The following RERE variants were observed in gnomAD, a reference collection of about 807,000 sequenced individuals.
RERE encodes arginine-glutamic acid dipeptide repeats, also known as arginine-glutamic acid dipeptide repeats protein.
RERE carries 40 observed loss-of-function variants against 146.1 expected under a neutral mutation model. The ratio of observed to expected loss-of-function variants is 0.27; its 90% confidence interval spans 0.21 to 0.36. The LOEUF is 0.36. Ranked by LOEUF, RERE falls within the 10% of genes least tolerant of loss-of-function variation. RERE has a pLI of 1.00. For synonymous variants in RERE, 1,003 were observed against 866.0 expected (o/e 1.16, Z -2.78); for missense variants, 1,933 against 2,138.7 (o/e 0.90, Z 1.90).
chr1:8,557,429 T>C lies in RERE; in HGVS notation c.617A>G (p.His206Arg). Residue 206 changes from histidine (H) to arginine (R), a missense_variant, in exon 5 of 23, where the codon CAT becomes CGT. Transcript: ENST00000400908. Reference protein sequence around the residue: ...SVYQHLVQDRHNENDSGRELV... With the variant: ...SVYQHLVQDRRNENDSGRELV... ...AAGGACATATTTACCATTTTCATTA[T>C]GTCGATCCTGAACCAAATGCTGATA... 6.2e-7 allele frequency: 1 copy of C among 1,600,480 alleles called. No homozygotes were observed. Among genetic ancestry groups the C allele is most frequent in the Non-Finnish European group, 8.6e-7 (1 of 1,167,644 alleles).
intron 1 of RERE, among the ~76,000 whole-genome samples, chr1:8,790,174 G>A (rs1641338175): frequency 6.6e-6 from 1 of 152,166 alleles, no homozygotes. Context: ...CTCTGGAACT[G>A]CGGGTTCAAG....
intron 12 of RERE, chr1:8,380,710 C>A: frequency 2.6e-6 from 1 of 377,816 alleles, no homozygotes; most frequent in Non-Finnish European, 5.2e-6. Flanking sequence ...CTTTTCAACA[C>A]AAGTCAAAAT....
intron 1 of RERE, among the ~76,000 whole-genome samples, chr1:8,781,349 T>C (rs1641161024): frequency 7.1e-6 from 1 of 140,308 alleles, no homozygotes; most frequent in Non-Finnish European, 1.6e-5. Flanking sequence ...AGAGCAAGAC[T>C]CCGTCTCAAA....
chr1:8,672,862 A>C (rs1307013048), intron 1 of RERE, among the ~76,000 whole-genome samples: 1 of 152,178 alleles, frequency 6.6e-6, no homozygotes, highest in Non-Finnish European at 1.5e-5. Context: ...TTACTACCAA[A>C]CAAACAAACA....
chr1:8,626,822 G>C (rs550898442), intron 2 of RERE, among the ~76,000 whole-genome samples: 2 of 152,166 alleles, frequency 1.3e-5, no homozygotes, highest in Non-Finnish European at 2.9e-5. Flanking sequence ...TCCAAAATGA[G>C]CCTGTCTTTG....
intron 11 of RERE, among the ~76,000 whole-genome samples, chr1:8,446,130 G>A (rs1644315250): frequency 6.6e-6 from 1 of 152,146 alleles, no homozygotes; most frequent in Non-Finnish European, 1.5e-5. Context: ...ATGAAGCTTA[G>A]TTTGGCTGGA....
At chr1:8,499,890 C>T (rs1351934044) in intron 8 of RERE, among the ~76,000 whole-genome samples, 2 of 152,210 alleles carry the variant, frequency 1.3e-5, no homozygotes, top group Non-Finnish European at 2.9e-5. Context: ...GAGGCCGAGG[C>T]GGGCAGATCA....
At chr1:8,633,846 T>C (rs1004765178) in intron 2 of RERE, among the ~76,000 whole-genome samples, 2 of 152,074 alleles carry the variant, frequency 1.3e-5, no homozygotes, top group African/African-American at 4.8e-5. Context: ...GGAGGATTGC[T>C]TGACCACAGG....
chr1:8,551,399 C>G (rs1484436115), intron 6 of RERE, among the ~76,000 whole-genome samples: 1 of 152,124 alleles, frequency 6.6e-6, no homozygotes, highest in Non-Finnish European at 1.5e-5. Context: ...TTACAAGTTA[C>G]AAGTTTATCT....
intron 1 of RERE, among the ~76,000 whole-genome samples, chr1:8,697,565 T>C (rs1639359639): frequency 6.6e-6 from 1 of 152,226 alleles, no homozygotes; most frequent in African/African-American, 2.4e-5. Context: ...GCTAATTTTT[T>C]GTATTTTTAC....
chr1:8,363,018 T>G (rs1251814262), intron 15 of RERE, among the ~76,000 whole-genome samples, 174 bp from the exon 16 acceptor site: 1 of 152,114 alleles, frequency 6.6e-6, no homozygotes, highest in Non-Finnish European at 1.5e-5. Flanking sequence ...TGAAGGTCGG[T>G]GTGGAGCTCA....
At chr1:8,762,160 G>A (rs1640768146) in intron 1 of RERE, among the ~76,000 whole-genome samples, 1 of 152,122 alleles carries the variant, frequency 6.6e-6, no homozygotes, top group Non-Finnish European at 1.5e-5. Context: ...CTAAGGAGAG[G>A]TCATTGCTTC....
intron 3 of RERE, among the ~76,000 whole-genome samples, chr1:8,616,578 T>C (rs899239640): frequency 1.3e-5 from 2 of 152,174 alleles, no homozygotes; most frequent in African/African-American, 4.8e-5. Flanking sequence ...ACCTAGAGTT[T>C]TCTGCATTGA....
chr1:8,355,204 A>G, intron 22 of RERE, 84 bp from the exon 23 acceptor site: 1 of 1,445,078 alleles, frequency 6.9e-7, no homozygotes, highest in Admixed American at 1.7e-5. Flanking sequence ...CAAAGACAAC[A>G]GCCAGGCAAT....
chr1:8,816,366 A>C (rs1641911740), intron 1 of RERE, among the ~76,000 whole-genome samples: 1 of 152,232 alleles, frequency 6.6e-6, no homozygotes. Flanking sequence ...TCAAGGACCC[A>C]TTTTACTTAA....
chr1:8,394,481 A>G (rs1642983957), intron 12 of RERE, among the ~76,000 whole-genome samples: 2 of 152,240 alleles, frequency 1.3e-5, no homozygotes, highest in Non-Finnish European at 2.9e-5. Flanking sequence ...TTTATAGATG[A>G]GAAAACTAAA....
chr1:8,493,796 T>G (rs1320716202), intron 10 of RERE, among the ~76,000 whole-genome samples: 1 of 152,206 alleles, frequency 6.6e-6, no homozygotes, highest in Non-Finnish European at 1.5e-5. Context: ...AGCCTCATAC[T>G]CAACAGCCTA....
chr1:8,591,162 C>T (rs1646487941), intron 4 of RERE, among the ~76,000 whole-genome samples: 1 of 152,154 alleles, frequency 6.6e-6, no homozygotes, highest in Non-Finnish European at 1.5e-5. Context: ...ACATCATGTC[C>T]CAGCCTCCAC....
At chr1:8,504,514 GAA>G (rs1427733675) in intron 8 of RERE, among the ~76,000 whole-genome samples, 1 of 152,202 alleles carries the variant, frequency 6.6e-6, no homozygotes, top group Non-Finnish European at 1.5e-5. Flanking sequence ...GGCAGAATTA[GAA>G]TATCACTGTT....
Sources: allele counts gnomAD v4.1 joint callset (sites outside exome capture counted in the v4.1 genomes callset), GRCh38; gene constraint gnomAD v4.1.1; transcripts MANE v1.5; gene names NCBI Gene and HGNC (gene_info 2026-07-23, HGNC 2026-07-21).